The following SYNE2 variants were observed in gnomAD, a reference collection of about 807,000 sequenced individuals.
The protein encoded by SYNE2 is spectrin repeat containing nuclear envelope protein 2.
SYNE2 carries 431 observed loss-of-function variants against 856.3 expected under a neutral mutation model. The ratio of observed to expected loss-of-function variants is 0.50; its 90% CI spans 0.47 to 0.55. The LOEUF (loss-of-function observed/expected upper bound fraction) is 0.55. Among genes scored for constraint, SYNE2 ranks in the 20% least tolerant of loss-of-function variants. SYNE2 has a pLI of 0.00. For missense variants in SYNE2, 8,129 were observed against 8,023.2 expected, an observed-to-expected ratio of 1.01 and a Z score of -0.50; for synonymous variants, 2,923 against 2,872.3, an observed-to-expected ratio of 1.02 and a Z score of -0.56.
chr14:64,216,192 C>G (rs2098665530), intron 107 of SYNE2, 56 bp from the exon 108 acceptor site: 29 of 1,611,316 alleles, frequency 1.8e-5, no homozygotes, highest in Non-Finnish European at 2.4e-5. Context: ...TGCCATGTCA[C>G]CCGTGACCCG....
At chr14:63,841,067 C>T (rs1019888736) in intron 1 of SYNE2, among the ~76,000 whole-genome samples, 3 of 151,942 alleles carry the variant, frequency 2.0e-5, no homozygotes, top group Non-Finnish European at 2.9e-5. Context: ...GAGACATCAC[C>T]CCTAGGGCAG....
intron 1 of SYNE2, among the ~76,000 whole-genome samples, chr14:63,822,135 G>A (rs534426546): frequency 7.0e-4 from 105 of 150,902 alleles, no homozygotes; most frequent in Non-Finnish European, 1.1e-3. Flanking sequence ...AGGTTGCTGT[G>A]AGCCGAGATC....
chr14:64,148,842 T>A (rs1428418220), intron 84 of SYNE2, among the ~76,000 whole-genome samples: 2 of 152,264 alleles, frequency 1.3e-5, no homozygotes, highest in South Asian at 2.1e-4. Flanking sequence ...ATTGTGGGAT[T>A]CTCAAGGCAG....
intron 6 of SYNE2, among the ~76,000 whole-genome samples, chr14:63,943,314 G>A (rs1260791157): frequency 6.6e-6 from 1 of 152,176 alleles, no homozygotes; most frequent in African/African-American, 2.4e-5. Context: ...ACATATGATT[G>A]ATATGTTTTT....
In SYNE2 at chr14:64,106,142, C is replaced by G. The variant is rs570287501; in HGVS notation, c.12493-1349C>G. Among the ~76,000 whole-genome samples, 1,368 of 147,574 alleles carry G rather than the reference C, an allele frequency of 9.3e-3. 18 individuals carry two copies. The highest frequency in any genetic ancestry group is 0.031 in the African/African-American group (1,250 of 40,764). ...GAATTGCATTTCCAGACCCCCCCCC[C>G]CAACCAACACACAAGCTGATTTTTG... On this transcript the variant is annotated intron_variant, in intron 64 of 115. Coordinates refer to ENST00000555002, the MANE Select transcript of SYNE2 (RefSeq NM_182914.3).
intron 66 of SYNE2, 138 bp from the exon 67 acceptor site, chr14:64,119,289 T>TTC: frequency 8.8e-7 from 1 of 1,142,530 alleles, no homozygotes; most frequent in South Asian, 1.5e-5. Flanking sequence ...GTTTTTGTTT[T>TTC]TCCAGGGTTT....
At chr14:63,896,226 G>A (rs2095250573) in intron 1 of SYNE2, among the ~76,000 whole-genome samples, 1 of 152,222 alleles carries the variant, frequency 6.6e-6, no homozygotes, top group Non-Finnish European at 1.5e-5. Flanking sequence ...TCCATAGCAT[G>A]TTCTCATAAA....
At chr14:63,952,116 A>G (rs1477898476) in intron 7 of SYNE2, among the ~76,000 whole-genome samples, 1 of 152,222 alleles carries the variant, frequency 6.6e-6, no homozygotes, top group South Asian at 2.1e-4. Context: ...GAAACAGATG[A>G]ATCAGGCCCC....
chr14:64,214,746 T>G (rs1200592442), intron 106 of SYNE2, among the ~76,000 whole-genome samples: 2 of 152,136 alleles, frequency 1.3e-5, no homozygotes, highest in Non-Finnish European at 2.9e-5. Context: ...GACTCATCAG[T>G]GATTTTTTTT....
Position 63,762,198 on chromosome 14 carries a change from C to T in SYNE2, c.-305+212C>T, listed in dbSNP as rs568496539. On this transcript the variant is annotated intron_variant, in intron 1 of 23. Coordinates refer to the SYNE2 transcript ENST00000674003. Reference sequence around the variant, plus strand: ...TGTAATCCCAGCACTTTTGGGAGACCGAGGCAGGCGAATCACCTGAGGTTG... The same window carrying T: ...TGTAATCCCAGCACTTTTGGGAGACTGAGGCAGGCGAATCACCTGAGGTTG... 1,284 of 229,462 alleles carry T rather than the reference C, an allele frequency of 5.6e-3. 4 individuals are homozygous for T. The highest frequency in any genetic ancestry group is 7.8e-3 in the Admixed American group (165 of 21,024). 14.2% of individuals were successfully genotyped at this position (229,462 alleles called of 1,614,324 possible).
At position 64,126,633 on chromosome 14, in the gene SYNE2, G is replaced by T; in HGVS notation, c.13743G>T (p.Ala4581=). The change falls in exon 73 of 116, where the codon GCG becomes GCT. Residue 4581 remains alanine, a synonymous_variant. Transcript: ENST00000555002. ...TTGAGTTGAAGAAACTTTATTTAGC[G>T]CTAAGTGACAAGAAGGGTGATCTTT... ...LALELKKLYL[A]LSDKKGDLLK... is the part of the protein sequence containing the mutation. 5 of 1,614,130 alleles carry T rather than the reference G, an allele frequency of 3.1e-6. No individual in the cohort carries two copies. Among genetic ancestry groups the T allele is most frequent in the Non-Finnish European group, 4.2e-6 (5 of 1,180,018 alleles).
At chr14:63,964,650 G>C (rs1276507395) in intron 10 of SYNE2, among the ~76,000 whole-genome samples, 2 of 151,956 alleles carry the variant, frequency 1.3e-5, no homozygotes, top group Non-Finnish European at 2.9e-5. Flanking sequence ...TCAGCTTTCC[G>C]AGTAGCTGAG....
At chr14:63,989,575 TG>T (rs1275557042) in intron 19 of SYNE2, among the ~76,000 whole-genome samples, 3 of 152,154 alleles carry the variant, frequency 2.0e-5, no homozygotes, top group Non-Finnish European at 4.4e-5. Context: ...TGACCTCAAC[TG>T]ATCTACCCAC....
At chr14:63,872,112 A>G (rs531608570) in intron 1 of SYNE2, among the ~76,000 whole-genome samples, 3 of 152,096 alleles carry the variant, frequency 2.0e-5, no homozygotes, top group African/African-American at 7.2e-5. Flanking sequence ...TATTAGTCCT[A>G]TCATGGATCC....
intron 2 of SYNE2, 44 bp from the exon 3 acceptor site, chr14:63,940,569 CT>C (rs755440653): frequency 6.3e-7 from 1 of 1,588,892 alleles, no homozygotes; most frequent in Admixed American, 1.7e-5. Flanking sequence ...CAGGAGGTTT[CT>C]GAGGCTTCTG....
chr14:64,102,074 G>A (rs374514981), intron 64 of SYNE2, 32 bp downstream of exon 64: 170 of 1,492,294 alleles, frequency 1.1e-4, no homozygotes, highest in Non-Finnish European at 1.5e-4. Flanking sequence ...ACGCTTAGGG[G>A]TTACGAGGGC....
At chr14:64,169,414 A>C (rs1482622361) in intron 93 of SYNE2, among the ~76,000 whole-genome samples, 1 of 152,228 alleles carries the variant, frequency 6.6e-6, no homozygotes, top group Admixed American at 6.5e-5. Flanking sequence ...TCTCCATGCT[A>C]CATATGTGGG....
intron 1 of SYNE2, among the ~76,000 whole-genome samples, chr14:63,863,702 G>A (rs992172233): frequency 6.6e-6 from 1 of 151,972 alleles, no homozygotes; most frequent in Non-Finnish European, 1.5e-5. Flanking sequence ...GCATATTAGA[G>A]CTTTTAGTTC....
chr14:64,146,185 A>G lies in SYNE2; in HGVS notation c.15601A>G (p.Ser5201Gly). The change falls in exon 84 of 116, where the codon AGT becomes GGT. Residue 5201 changes from serine to glycine, a missense_variant. Transcript: ENST00000555002. ...ACTGAAAACTTTACAAAAACCTGAAAGTGTGATCTCAGTGCAGAAGCTGCT... is the reference window on the plus strand; with the variant it reads ...ACTGAAAACTTTACAAAAACCTGAAGGTGTGATCTCAGTGCAGAAGCTGCT... Reference protein sequence around the residue: ...ERLKTLQKPESVISVQKLLLD... With the variant: ...ERLKTLQKPEGVISVQKLLLD... The G allele has an allele frequency of 6.2e-7, 1 of 1,613,102 alleles. No individual in the cohort carries two copies.
Sources: allele counts gnomAD v4.1 joint callset (sites outside exome capture counted in the v4.1 genomes callset), GRCh38; gene constraint gnomAD v4.1.1; transcripts MANE v1.5; gene names NCBI Gene and HGNC (gene_info 2026-07-23, HGNC 2026-07-21).